KDM4B: variants seen among roughly 807,000 people sequenced by gnomAD.
KDM4B encodes lysine demethylase 4B.
A neutral mutation model predicts 125.2 loss-of-function variants in KDM4B; 32 were observed. That is an observed-to-expected ratio of 0.26 (90% CI 0.19 to 0.34). The LOEUF (loss-of-function observed/expected upper bound fraction) is 0.34. Among genes scored for constraint, KDM4B ranks in the 10% least tolerant of loss-of-function variants. The probability of loss-of-function intolerance (pLI) is 1.00; values close to 1 mark genes in which losing one functional copy is unlikely to be tolerated. For missense variants in KDM4B, 1,190 were observed against 1,577.7 expected (o/e 0.75, Z 4.16); for synonymous variants, 721 against 677.9 (o/e 1.06, Z -0.99).
At chr19:5,064,359 A>G (rs1392189611) in intron 6 of KDM4B, among the ~76,000 whole-genome samples, 1 of 151,658 alleles carries the variant, frequency 6.6e-6, no homozygotes, top group Admixed American at 6.6e-5. Context: ...CTGTGCAGAC[A>G]CTGTGAAATT....
chr19:5,040,095 G>C, intron 4 of KDM4B, 84 bp downstream of exon 4: 1 of 1,386,612 alleles, frequency 7.2e-7, no homozygotes. Context: ...GAGAAGGTGC[G>C]GTACACGCAG....
intron 9 of KDM4B, among the ~76,000 whole-genome samples, chr19:5,108,103 C>T (rs2039070313): frequency 6.6e-6 from 1 of 152,244 alleles, no homozygotes; most frequent in Non-Finnish European, 1.5e-5. Context: ...GTGCTCCAGG[C>T]CGTGGCAGTG....
chr19:5,047,309 C>T (rs765140468), intron 5 of KDM4B, among the ~76,000 whole-genome samples, 167 bp from the exon 6 acceptor site: 1 of 152,034 alleles, frequency 6.6e-6, no homozygotes, highest in Non-Finnish European at 1.5e-5. Context: ...TTAAGACCAG[C>T]CCCTGGTCTG....
Position 5,138,043 on chromosome 19 carries a change from C to T in KDM4B, c.2523C>T (p.Ser841=), listed in dbSNP as rs375589480. ...NVIERHPVDI[S]AIPEQRWKLK... is the part of the protein sequence containing the mutation. ...TTGAGCGCCACCCTGTGGACATCAG[C>T]GCCATCCCCGAGCAGCGGTGGAAGC... The change falls in exon 18 of 23, where the codon AGC becomes AGT. Residue 841 remains serine (S), a synonymous_variant. Transcript: ENST00000159111. 20 of 1,612,376 alleles carry T rather than the reference C, an allele frequency of 1.2e-5. No homozygotes were observed. Among genetic ancestry groups the T allele is most frequent in the East Asian group, 4.5e-5 (2 of 44,876 alleles).
At chr19:5,146,957 A>AAAC (rs1568327645) in intron 21 of KDM4B, among the ~76,000 whole-genome samples, 4 of 150,618 alleles carry the variant, frequency 2.7e-5, no homozygotes, top group Non-Finnish European at 5.9e-5. Flanking sequence ...AAAAAAAAAA[A>AAAC]AAAAACAAAA....
chr19:5,064,684 G>T (rs1470997765), intron 6 of KDM4B, among the ~76,000 whole-genome samples: 1 of 152,194 alleles, frequency 6.6e-6, no homozygotes, highest in East Asian at 1.9e-4. Flanking sequence ...CCAGGCAGGG[G>T]CCACTGCCAG....
intron 18 of KDM4B, among the ~76,000 whole-genome samples, chr19:5,143,181 A>G (rs1303353945): frequency 6.6e-6 from 1 of 152,074 alleles, no homozygotes; most frequent in Non-Finnish European, 1.5e-5. Context: ...AAAATTAGCC[A>G]GGCATGATGG....
At chr19:5,111,655 G>T in intron 10 of KDM4B, 1 of 708,936 alleles carries the variant, frequency 1.4e-6, no homozygotes, top group Non-Finnish European at 2.6e-6. Context: ...GGTGCCCAAG[G>T]AACATTCAGG....
chr19:5,038,914 A>T (rs1336458438), intron 3 of KDM4B, among the ~76,000 whole-genome samples: 1 of 152,234 alleles, frequency 6.6e-6, no homozygotes, highest in Non-Finnish European at 1.5e-5. Context: ...GCGGAGGCCC[A>T]TGGGGGCTGG....
At chr19:5,097,025 G>A (rs1328598504) in intron 9 of KDM4B, among the ~76,000 whole-genome samples, 1 of 152,200 alleles carries the variant, frequency 6.6e-6, no homozygotes, top group Non-Finnish European at 1.5e-5. Context: ...CAGCATGTGT[G>A]GTGTGGAGTC....
Position 5,135,578 on chromosome 19 carries a change from G to C in KDM4B, c.2308+17G>C, listed in dbSNP as rs769721992. ...TCCATGCCAGTGAGTGCCACTGTGG[G>C]GCCCAGAGGAGCTGCGCCCTCCTTC... On this transcript the variant is annotated intron_variant, in intron 15 of 22. Coordinates refer to ENST00000159111, the MANE Select transcript of KDM4B (RefSeq NM_015015.3). 1.5e-5 allele frequency: 23 copies of C among 1,569,702 alleles called. No individual in the cohort carries two copies. In the East Asian group the frequency reaches 4.7e-4, roughly 32 times the overall value.
At chr19:5,013,931 T>A (rs528313820) in intron 1 of KDM4B, among the ~76,000 whole-genome samples, 173 of 152,150 alleles carry the variant, frequency 1.1e-3, no homozygotes, top group Non-Finnish European at 1.7e-3. Flanking sequence ...GTGAAGCCCT[T>A]TGCAGGGCAC....
intron 14 of KDM4B, 79 bp downstream of exon 14, chr19:5,134,140 A>T: frequency 7.5e-7 from 1 of 1,340,736 alleles, no homozygotes; most frequent in Non-Finnish European, 1.0e-6. Flanking sequence ...GGCACCCCAC[A>T]CGCCTCCCTC....
At chr19:4,992,044 C>G (rs2035047132) in intron 1 of KDM4B, among the ~76,000 whole-genome samples, 1 of 152,088 alleles carries the variant, frequency 6.6e-6, no homozygotes, top group African/African-American at 2.4e-5. Flanking sequence ...AATTTGAGTT[C>G]TCCAGAGATG....
rs754569538 is a variant in KDM4B at position 5,133,923 on chromosome 19, G to A, written c.1947G>A (p.Pro649=). 28 of 1,612,976 alleles carry A rather than the reference G, an allele frequency of 1.7e-5. No individual in the cohort carries two copies. In the African/African-American group the frequency reaches 2.1e-4, roughly 12 times the overall value. The change falls in exon 14 of 23, where the codon CCG becomes CCA. Residue 649 remains proline (P), a synonymous_variant. Transcript: ENST00000159111. ...CCGGGGAGGAAGATGTGAGTGACCC[G>A]GACGCCTTGAGGCCGCTGCTGTCTC... ...PFSGEEDVSD[P]DALRPLLSLQ...
At chr19:5,039,004 T>C (rs1599474536) in intron 3 of KDM4B, among the ~76,000 whole-genome samples, 1 of 152,230 alleles carries the variant, frequency 6.6e-6, no homozygotes, top group South Asian at 2.1e-4. Context: ...CCACTGGGGA[T>C]AGTGTCTGGG....
At position 5,110,529 on chromosome 19, in the gene KDM4B, C is replaced by G. The variant is rs2039119547; in HGVS notation, c.919-93C>G. ...AGCGGTGGGATGGGGTGTGGGAGGC[C>G]CGGGCCGTGAGCCCTACCTGCTCTG... On this transcript the variant is annotated intron_variant, in intron 9 of 22. Coordinates refer to ENST00000159111, the MANE Select transcript of KDM4B (RefSeq NM_015015.3). 27 of 1,260,088 alleles carry G rather than the reference C, an allele frequency of 2.1e-5. No homozygotes were observed. In the South Asian group the frequency reaches 3.1e-4, roughly 14 times the overall value. 78.1% of individuals were successfully genotyped at this position (1,260,088 alleles called of 1,614,324 possible).
rs2039230414 is a variant in KDM4B, at chr19:5,115,154, A to G, written c.1115+4336A>G. ...AGCCAGCAGGGAGCAGCTGGGCTGC[A>G]CCATGGGGCCACAGAAAGACACAGT... On this transcript the variant is annotated intron_variant, in intron 10 of 22. Transcript: ENST00000159111. The surrounding 1 kb of genome is among the most constrained non-coding windows in gnomAD (Gnocchi z 4.2). Among the ~76,000 whole-genome samples, 1 of 152,210 alleles carries G rather than the reference A, an allele frequency of 6.6e-6. No homozygotes were observed. Among genetic ancestry groups the G allele is most frequent in the Admixed American group, 6.5e-5 (1 of 15,288 alleles).
At chr19:5,018,349 G>A (rs1469247812) in intron 2 of KDM4B, among the ~76,000 whole-genome samples, 2 of 152,162 alleles carry the variant, frequency 1.3e-5, no homozygotes, top group South Asian at 2.1e-4. Flanking sequence ...CATAGCCCTT[G>A]ATAAACCCAC....
Sources: allele counts gnomAD v4.1 joint callset (sites outside exome capture counted in the v4.1 genomes callset), GRCh38; gene constraint gnomAD v4.1.1; non-coding constraint Gnocchi (gnomAD v3.1); transcripts MANE v1.5; gene names NCBI Gene and HGNC (gene_info 2026-07-23, HGNC 2026-07-21).